TGM3: variants seen among roughly 807,000 people sequenced by gnomAD.
The protein encoded by TGM3 is protein-glutamine gamma-glutamyltransferase E.
Under a neutral mutation model 73.8 loss-of-function variants are expected in TGM3, and 52 were observed. That is an observed-to-expected ratio of 0.70 (90% confidence interval 0.56 to 0.89). The LOEUF (loss-of-function observed/expected upper bound fraction) is 0.89, where lower values mean the gene tolerates loss of function less well. TGM3 is among the 40% of genes least tolerant of loss of function. TGM3 has a pLI of 0.00. For missense variants in TGM3, 928 were observed against 909.9 expected, an observed-to-expected ratio of 1.02 and a Z score of -0.26; for synonymous variants, 372 against 354.9, an observed-to-expected ratio of 1.05 and a Z score of -0.54.
chr20:2,308,887 T>A (rs966033153), intron 1 of TGM3, among the ~76,000 whole-genome samples: 5 of 151,746 alleles, frequency 3.3e-5, no homozygotes, highest in Non-Finnish European at 7.4e-5. Flanking sequence ...TTCTTTTTTT[T>A]TTTTTTTGAG....
At chr20:2,319,306 G>A (rs2084251294) in intron 7 of TGM3, among the ~76,000 whole-genome samples, 2 of 152,160 alleles carry the variant, frequency 1.3e-5, no homozygotes, top group Admixed American at 6.5e-5. Flanking sequence ...GACGTGGAAA[G>A]CTTAAGTCTC....
At chr20:2,324,218 C>T (rs1260625351) in intron 7 of TGM3, among the ~76,000 whole-genome samples, 1 of 151,948 alleles carries the variant, frequency 6.6e-6, no homozygotes, top group Non-Finnish European at 1.5e-5. Context: ...CCATTTGGTT[C>T]TTTTTTTCAT....
chr20:2,313,485 G>A (rs1418552758), intron 5 of TGM3, among the ~76,000 whole-genome samples: 1 of 152,124 alleles, frequency 6.6e-6, no homozygotes, highest in Non-Finnish European at 1.5e-5. Flanking sequence ...AGTGTCAGAT[G>A]GTAGGCTGCC....
chr20:2,327,315 A>G (rs966312166), intron 8 of TGM3, among the ~76,000 whole-genome samples: 17 of 125,708 alleles, frequency 1.4e-4, no homozygotes, highest in Non-Finnish European at 2.0e-4. Flanking sequence ...CTAAAATTAC[A>G]AAAAAAAAAA....
At chr20:2,315,996 C>T (rs573029903) in intron 5 of TGM3, among the ~76,000 whole-genome samples, 6 of 152,300 alleles carry the variant, frequency 3.9e-5, no homozygotes, top group Non-Finnish European at 7.3e-5. Context: ...ATTTCATCTG[C>T]GACCCTCTCT....
At chr20:2,297,653 A>G (rs1174760704) in intron 1 of TGM3, among the ~76,000 whole-genome samples, 1 of 152,204 alleles carries the variant, frequency 6.6e-6, no homozygotes, top group Non-Finnish European at 1.5e-5. Context: ...ATCAATTTTG[A>G]AAAGGTGGTG....
intron 1 of TGM3, among the ~76,000 whole-genome samples, chr20:2,301,991 G>C (rs540927932): frequency 3.3e-5 from 5 of 152,138 alleles, no homozygotes; most frequent in Admixed American, 3.3e-4. Context: ...GTGAGCCACC[G>C]TGCCCAGCCA....
intron 7 of TGM3, among the ~76,000 whole-genome samples, chr20:2,317,880 CT>C (rs2084242961): frequency 1.3e-5 from 2 of 150,402 alleles, no homozygotes; most frequent in Admixed American, 1.3e-4. Flanking sequence ...GACTTACAAA[CT>C]TTCTTAAAGA....
In TGM3 at chr20:2,304,427, G is replaced by A. The variant is rs754939546; in HGVS notation, c.8-5230G>A. Among the ~76,000 whole-genome samples the A allele has an allele frequency of 2.2e-4, 34 of 152,168 alleles. 1 individual carries two copies. Among genetic ancestry groups the A allele is most frequent in the African/African-American group, 6.0e-4 (25 of 41,432 alleles). On this transcript the variant is annotated intron_variant, in intron 1 of 12. Coordinates refer to ENST00000381458, the MANE Select transcript of TGM3 (RefSeq NM_003245.4). Reference sequence around the variant, plus strand: ...CCCTTTGTCCAGCTCCCCTGAAGACGGCTCTTTTGGAAGAGATGTTTTCCT... The same window carrying A: ...CCCTTTGTCCAGCTCCCCTGAAGACAGCTCTTTTGGAAGAGATGTTTTCCT...
chr20:2,298,295 G>A (rs980357260), intron 1 of TGM3, among the ~76,000 whole-genome samples: 3 of 152,260 alleles, frequency 2.0e-5, no homozygotes, highest in South Asian at 4.1e-4. Flanking sequence ...GCAGTGATCC[G>A]CACCAAGTGG....
intron 1 of TGM3, among the ~76,000 whole-genome samples, chr20:2,307,396 G>A (rs1186668034): frequency 1.3e-5 from 2 of 151,920 alleles, no homozygotes; most frequent in Admixed American, 6.6e-5. Context: ...TCCACGCAGC[G>A]CCCCTGCTCC....
rs1008879276 is a variant in TGM3 at position 2,311,137 on chromosome 20, G to T, written c.540+8G>T. 1.2e-6 allele frequency: 2 copies of T among 1,611,908 alleles called. No homozygotes were observed. Among genetic ancestry groups the T allele is most frequent in the South Asian group, 1.1e-5 (1 of 91,024 alleles). On this transcript the variant is annotated splice_region_variant and intron_variant, in intron 4 of 12. Coordinates refer to ENST00000381458, the MANE Select transcript of TGM3 (RefSeq NM_003245.4). The stretch of plus-strand genomic sequence containing the variant: ...GGCTGGAACTTTGGACAGGTAAAAG[G>T]GTCATAAGGAAGCTAAGGGTAATGT...
intron 9 of TGM3, among the ~76,000 whole-genome samples, chr20:2,330,364 G>A (rs948870757): frequency 1.3e-5 from 2 of 152,220 alleles, no homozygotes; most frequent in Admixed American, 6.5e-5. Context: ...GCTCAGATCC[G>A]TGCACTGCCT....
At chr20:2,306,547 A>C (rs1461379741) in intron 1 of TGM3, among the ~76,000 whole-genome samples, 1 of 145,826 alleles carries the variant, frequency 6.9e-6, no homozygotes, top group African/African-American at 2.5e-5. Flanking sequence ...CATGATCTCA[A>C]CTCACTACAA....
At chr20:2,333,972 G>A (rs2084334185) in intron 10 of TGM3, among the ~76,000 whole-genome samples, 1 of 152,206 alleles carries the variant, frequency 6.6e-6, no homozygotes, top group Non-Finnish European at 1.5e-5. Context: ...GCTAAAAGCA[G>A]AGGCAGCTTC....
In TGM3 at chr20:2,300,128, G is replaced by A. The variant is rs1313698805; in HGVS notation, c.7+4058G>A. Among the ~76,000 whole-genome samples, 4 of 141,394 alleles carry A rather than the reference G, an allele frequency of 2.8e-5. No individual in the cohort carries two copies. In the South Asian group the frequency reaches 6.7e-4, roughly 24 times the overall value. The allele number at this position is 141,394 out of a possible 152,430, so 92.8% of individuals were successfully genotyped here. ...TTTAAAAAAAAAATAAAGAAAGAAA[G>A]GAAGAAAGAAAGGAATGGAGGGAGG... On this transcript the variant is annotated intron_variant, in intron 1 of 12. Transcript: ENST00000381458.
rs371808798 is a variant in TGM3, at chr20:2,340,864, C to A, written c.*283C>A. 1.0e-4 allele frequency: 56 copies of A among 560,856 alleles called. No individual in the cohort carries two copies. Among genetic ancestry groups the A allele is most frequent in the African/African-American group, 8.5e-4 (46 of 53,820 alleles). 34.7% of individuals were successfully genotyped at this position (560,856 alleles called of 1,614,324 possible). On this transcript the variant is annotated 3_prime_UTR_variant, in exon 13 of 13. Transcript: ENST00000381458. ...CCCACAGCCCTGCTCATTCCTCACG[C>A]CCTTCAATGCTGCAGGATGGACTGG...
chr20:2,302,569 C>T (rs936559120), intron 1 of TGM3, among the ~76,000 whole-genome samples: 1 of 152,098 alleles, frequency 6.6e-6, no homozygotes. Context: ...TCTCCACCAT[C>T]GCTAGGGTAC....
intron 7 of TGM3, among the ~76,000 whole-genome samples, chr20:2,320,188 TGTTGAAAGCTTTAGA>T (rs2084255425): frequency 6.6e-6 from 1 of 152,156 alleles, no homozygotes; most frequent in African/African-American, 2.4e-5. Context: ...TACCAAAAAG[TGTTGAAAGCTTTAGA>T]ACCGTGCCCA....
Sources: allele counts gnomAD v4.1 joint callset (sites outside exome capture counted in the v4.1 genomes callset), GRCh38; gene constraint gnomAD v4.1.1; transcripts MANE v1.5; gene names NCBI Gene and HGNC (gene_info 2026-07-23, HGNC 2026-07-21).